The following BRD10 variants were observed in gnomAD, a reference collection of about 807,000 sequenced individuals.
The protein encoded by BRD10 is uncharacterized bromodomain-containing protein 10.
chr9:5,915,011 T>A, the BRD10 span, among the ~76,000 whole-genome samples: 1 of 151,974 alleles, frequency 6.6e-6, no homozygotes, highest in African/African-American at 2.4e-5. Flanking sequence ...AAAACAACAA[T>A]AACCCCCAAC....
At chr9:5,933,932 A>G in the BRD10 span, 1 of 451,166 alleles carries the variant, frequency 2.2e-6, no homozygotes, top group African/African-American at 2.0e-5. Flanking sequence ...TAAATGTCTC[A>G]TAACAACAAA....
chr9:6,008,088 C>G, the BRD10 span: 2 of 984,380 alleles, frequency 2.0e-6, no homozygotes, highest in African/African-American at 1.8e-5. Flanking sequence ...CCCCTCCGCA[C>G]CCCGCCCGCC....
chr9:5,988,464 G>A, the BRD10 span: 1 of 1,613,768 alleles, frequency 6.2e-7, no homozygotes, highest in African/African-American at 1.3e-5. Flanking sequence ...GCCTTGTTGA[G>A]GTACATGCAG....
chr9:5,922,933 T>G, the BRD10 span: 1 of 1,614,020 alleles, frequency 6.2e-7, no homozygotes, highest in Admixed American at 1.7e-5. Context: ...GCAGTTGATT[T>G]GTTAAGGTCA....
chr9:5,909,040 C>T, the BRD10 span: 1 of 303,176 alleles, frequency 3.3e-6, no homozygotes, highest in Non-Finnish European at 6.2e-6. Flanking sequence ...TTTCTCTTTA[C>T]TTGAAATTTG....
At chr9:5,976,594 GA>G in the BRD10 span, among the ~76,000 whole-genome samples, 1 of 152,118 alleles carries the variant, frequency 6.6e-6, no homozygotes, top group Admixed American at 6.5e-5. Context: ...TGTAAGTCTA[GA>G]AATTCTCCCT....
the BRD10 span, among the ~76,000 whole-genome samples, chr9:5,972,454 T>G: frequency 6.6e-6 from 1 of 152,204 alleles, no homozygotes; most frequent in Non-Finnish European, 1.5e-5. Context: ...ATGGTGAAAT[T>G]TGATTTCCAA....
the BRD10 span, among the ~76,000 whole-genome samples, chr9:5,879,087 A>G: frequency 6.6e-6 from 1 of 152,186 alleles, no homozygotes; most frequent in Non-Finnish European, 1.5e-5. Context: ...TAAAACTCAC[A>G]GTAGAGCTGA....
chr9:6,008,382 G>C, the BRD10 span: 1 of 868,216 alleles, frequency 1.2e-6, no homozygotes, highest in Non-Finnish European at 1.4e-6. Flanking sequence ...AAAGGGGAGG[G>C]GCAGGGAGAG....
the BRD10 span, chr9:5,908,909 G>A: frequency 1.8e-6 from 1 of 553,596 alleles, no homozygotes. Flanking sequence ...ATTAAATTGG[G>A]AAAACTCCAT....
the BRD10 span, among the ~76,000 whole-genome samples, chr9:5,907,830 G>C: frequency 6.6e-6 from 1 of 152,204 alleles, no homozygotes; most frequent in Non-Finnish European, 1.5e-5. Context: ...GTGCATGCCT[G>C]TAATCCCAGC....
chr9:5,955,906 C>A, the BRD10 span, among the ~76,000 whole-genome samples: 1 of 152,058 alleles, frequency 6.6e-6, no homozygotes, highest in Non-Finnish European at 1.5e-5. Flanking sequence ...GTAATTGATT[C>A]CTAAACTGAG....
the BRD10 span, among the ~76,000 whole-genome samples, chr9:5,882,239 C>T: frequency 1.1e-4 from 17 of 152,276 alleles, no homozygotes; most frequent in African/African-American, 4.1e-4. Flanking sequence ...GGATCCCTTA[C>T]TTCTTAATTT....
the BRD10 span, chr9:5,897,479 G>C: frequency 7.5e-7 from 1 of 1,341,136 alleles, no homozygotes; most frequent in Non-Finnish European, 1.1e-6. Flanking sequence ...CATATGAAGA[G>C]GAAGACTGAT....
chr9:5,988,675 T>C, the BRD10 span: 1 of 658,682 alleles, frequency 1.5e-6, no homozygotes, highest in Non-Finnish European at 2.6e-6. Flanking sequence ...CTTAGCTTTG[T>C]TCTAACTTTT....
At chr9:5,886,868 C>T in the BRD10 span, among the ~76,000 whole-genome samples, 2 of 152,188 alleles carry the variant, frequency 1.3e-5, no homozygotes, top group Non-Finnish European at 2.9e-5. Context: ...GTTCACATAG[C>T]CCTGAAAGGG....
the BRD10 span, among the ~76,000 whole-genome samples, chr9:5,958,557 T>G: frequency 3.3e-5 from 5 of 151,972 alleles, no homozygotes; most frequent in Non-Finnish European, 7.4e-5. Context: ...GAGGCGGAGG[T>G]GAGAGGATGG....
the BRD10 span, among the ~76,000 whole-genome samples, chr9:5,973,817 G>A: frequency 4.7e-4 from 71 of 152,332 alleles, no homozygotes; most frequent in Non-Finnish European, 9.0e-4. Flanking sequence ...AGGAGGTCAA[G>A]GTTGCAGTGA....
At chr9:5,966,626 A>G in the BRD10 span, among the ~76,000 whole-genome samples, 1 of 151,490 alleles carries the variant, frequency 6.6e-6, no homozygotes, top group East Asian at 1.9e-4. Context: ...TGCCCAGCTA[A>G]TTTTTGTATT....
Sources: gnomAD v4.1 joint callset for allele counts (sites outside exome capture counted in the v4.1 genomes callset) on GRCh38, gnomAD v4.1.1 for gene constraint, MANE v1.5 for transcripts, NCBI Gene and HGNC (gene_info 2026-07-23, HGNC 2026-07-21) for gene names.